The following PTPRG variants were observed in gnomAD, a reference collection of about 807,000 sequenced individuals.
PTPRG encodes the protein receptor-type tyrosine-protein phosphatase gamma.
A neutral mutation model predicts 165.3 loss-of-function variants in PTPRG; 102 were observed. That is an observed-to-expected ratio of 0.62 (90% confidence interval 0.53 to 0.73). The LOEUF (loss-of-function observed/expected upper bound fraction) is 0.73. PTPRG is among the 30% of genes least tolerant of loss of function. PTPRG has a pLI of 0.00. For missense variants in PTPRG, 1,866 were observed against 1,861.4 expected (o/e 1.00, Z -0.05); for synonymous variants, 675 against 669.5 (o/e 1.01, Z -0.13).
intron 2 of PTPRG, among the ~76,000 whole-genome samples, chr3:61,798,004 T>A (rs891518718): frequency 5.9e-5 from 9 of 152,196 alleles, no homozygotes; most frequent in African/African-American, 2.2e-4. Context: ...AGAGAGATAC[T>A]TGAGTCTGCC....
At chr3:62,055,216 T>C (rs1700594595) in intron 4 of PTPRG, among the ~76,000 whole-genome samples, 1 of 152,226 alleles carries the variant, frequency 6.6e-6, no homozygotes, top group South Asian at 2.1e-4. Context: ...GTAATTAATA[T>C]AGGACTATTA....
intron 2 of PTPRG, among the ~76,000 whole-genome samples, chr3:61,938,798 A>G (rs921372498): frequency 1.4e-4 from 22 of 152,240 alleles, no homozygotes; most frequent in Admixed American, 9.8e-4. Context: ...TAACAGGTAC[A>G]TCTTCTGGAA....
intron 1 of PTPRG, among the ~76,000 whole-genome samples, chr3:61,677,840 A>G (rs900856706): frequency 6.6e-6 from 1 of 152,196 alleles, no homozygotes; most frequent in Non-Finnish European, 1.5e-5. Context: ...TAAGTCAGTT[A>G]TAAAGAGTCC....
chr3:61,583,304 A>G (rs919414051), intron 1 of PTPRG, among the ~76,000 whole-genome samples: 18 of 152,152 alleles, frequency 1.2e-4, no homozygotes, highest in African/African-American at 4.3e-4. Flanking sequence ...GACTGAGCAC[A>G]GGGAAGGGCT....
At chr3:62,206,939 A>G (rs1032710370) in intron 12 of PTPRG, among the ~76,000 whole-genome samples, 8 of 149,500 alleles carry the variant, frequency 5.4e-5, no homozygotes, top group African/African-American at 2.0e-4. Context: ...AAAAAAAAAA[A>G]GAAGGACCTC....
chr3:61,803,975 G>C (rs996428758), intron 2 of PTPRG, among the ~76,000 whole-genome samples: 2 of 152,136 alleles, frequency 1.3e-5, no homozygotes, highest in African/African-American at 4.8e-5. Context: ...GGTTCAGAGG[G>C]ATATTCTGGA....
At chr3:61,563,433 C>T (rs1036561458) in intron 1 of PTPRG, among the ~76,000 whole-genome samples, 1 of 152,136 alleles carries the variant, frequency 6.6e-6, no homozygotes, top group African/African-American at 2.4e-5. Flanking sequence ...CAGAGGCCAG[C>T]TGCCTCCCTC....
intron 2 of PTPRG, among the ~76,000 whole-genome samples, chr3:61,875,935 A>G (rs1337138830): frequency 6.6e-6 from 1 of 152,170 alleles, no homozygotes; most frequent in Non-Finnish European, 1.5e-5. Flanking sequence ...GAAACCTTAT[A>G]ACTGAAATCT....
intron 4 of PTPRG, among the ~76,000 whole-genome samples, chr3:62,032,476 C>T (rs752506288): frequency 6.6e-6 from 1 of 152,042 alleles, no homozygotes; most frequent in Non-Finnish European, 1.5e-5. Flanking sequence ...ACTGGCAACT[C>T]AGTAGAGCCT....
At chr3:62,124,608 T>C in intron 5 of PTPRG, 7 of 1,126,438 alleles carry the variant, frequency 6.2e-6, no homozygotes, top group Non-Finnish European at 9.2e-6. Flanking sequence ...AAGGCTTTCA[T>C]GCTGACCGCG....
At chr3:61,728,330 C>T (rs1288078014) in intron 1 of PTPRG, among the ~76,000 whole-genome samples, 1 of 152,074 alleles carries the variant, frequency 6.6e-6, no homozygotes, top group Non-Finnish European at 1.5e-5. Context: ...ATTTGTGATC[C>T]CAACACTTTG....
chr3:61,696,271 G>T (rs973650064), intron 1 of PTPRG, among the ~76,000 whole-genome samples: 2 of 152,174 alleles, frequency 1.3e-5, no homozygotes, highest in Admixed American at 6.5e-5. Context: ...AGTGGCTGAG[G>T]TGCGTGGTTC....
At chr3:61,939,722 AT>A (rs1054466927) in intron 2 of PTPRG, among the ~76,000 whole-genome samples, 6 of 152,124 alleles carry the variant, frequency 3.9e-5, no homozygotes, top group Non-Finnish European at 7.4e-5. Flanking sequence ...GTAATCATTT[AT>A]TTTGCAAAGC....
At chr3:61,909,674 T>C (rs2038752386) in intron 2 of PTPRG, among the ~76,000 whole-genome samples, 1 of 150,246 alleles carries the variant, frequency 6.7e-6, no homozygotes, top group Admixed American at 6.6e-5. Flanking sequence ...TTATGAGCCA[T>C]GGCATCTGAC....
intron 1 of PTPRG, among the ~76,000 whole-genome samples, chr3:61,702,534 C>T (rs1251646656): frequency 6.6e-6 from 1 of 152,238 alleles, no homozygotes; most frequent in African/African-American, 2.4e-5. Context: ...CGTGTACACA[C>T]ACACACAGGC....
intron 2 of PTPRG, among the ~76,000 whole-genome samples, chr3:61,982,867 GTAGT>G (rs1167607896): frequency 2.6e-5 from 4 of 152,112 alleles, no homozygotes; most frequent in African/African-American, 2.4e-5. Context: ...AATGAACAAA[GTAGT>G]TAGTTTCTAT....
chr3:62,023,205 A>G (rs2041738715), intron 4 of PTPRG, among the ~76,000 whole-genome samples: 2 of 152,318 alleles, frequency 1.3e-5, no homozygotes, highest in Admixed American at 1.3e-4. Context: ...ACAACCTTGA[A>G]TTAACCTCAG....
intron 2 of PTPRG, among the ~76,000 whole-genome samples, chr3:61,863,216 T>G (rs903153376): frequency 5.3e-5 from 8 of 152,210 alleles, no homozygotes; most frequent in African/African-American, 1.4e-4. Flanking sequence ...AGCAGTGGAT[T>G]GTCTTGGACT....
At chr3:61,987,952 T>C (rs957060650) in intron 2 of PTPRG, among the ~76,000 whole-genome samples, 1 of 152,194 alleles carries the variant, frequency 6.6e-6, no homozygotes, top group Non-Finnish European at 1.5e-5. Context: ...CCTTTGTGAA[T>C]CATCACAGTC....
Sources: allele counts gnomAD v4.1 joint callset (sites outside exome capture counted in the v4.1 genomes callset), GRCh38; gene constraint gnomAD v4.1.1; transcripts MANE v1.5; gene names NCBI Gene and HGNC (gene_info 2026-07-23, HGNC 2026-07-21).